Variants in CSMD1 observed in about 807,000 individuals in gnomAD.
CSMD1 encodes the protein CUB and sushi domain-containing protein 1.
CSMD1 carries 213 observed loss-of-function variants against 417.5 expected under a neutral mutation model. The ratio of observed to expected loss-of-function variants is 0.51; its 90% CI spans 0.46 to 0.57. The LOEUF is 0.57. Ranked by LOEUF, CSMD1 falls within the 20% of genes least tolerant of loss-of-function variation. CSMD1 has a pLI of 0.00. For synonymous variants in CSMD1, 2,862 were observed against 1,736.8 expected, an observed-to-expected ratio of 1.65 and a Z score of -16.11; for missense variants, 6,923 against 4,529.7, an observed-to-expected ratio of 1.53 and a Z score of -15.17.
At chr8:3,198,185 T>G (rs921211152) in intron 33 of CSMD1, among the ~76,000 whole-genome samples, 3 of 152,198 alleles carry the variant, frequency 2.0e-5, no homozygotes, top group Admixed American at 2.0e-4. Flanking sequence ...GACACCAGGA[T>G]ATTTGCATGC....
chr8:3,451,277 C>G (rs1224391079), intron 12 of CSMD1, among the ~76,000 whole-genome samples: 1 of 152,152 alleles, frequency 6.6e-6, no homozygotes, highest in South Asian at 2.1e-4. Flanking sequence ...CCTGTTCACT[C>G]TGATGGTAGT....
chr8:3,434,238 G>A (rs988129368), intron 12 of CSMD1, among the ~76,000 whole-genome samples: 1 of 152,104 alleles, frequency 6.6e-6, no homozygotes, highest in Non-Finnish European at 1.5e-5. Flanking sequence ...CCTCTGTAAG[G>A]TACGACTAAA....
chr8:4,348,585 G>A, intron 3 of CSMD1, among the ~76,000 whole-genome samples: 1 of 144,068 alleles, frequency 6.9e-6, no homozygotes, highest in Non-Finnish European at 1.5e-5. Flanking sequence ...GTGTGTGTAT[G>A]CATGTGTGTG....
At chr8:4,725,146 T>A (rs1809343558) in intron 1 of CSMD1, among the ~76,000 whole-genome samples, 1 of 152,174 alleles carries the variant, frequency 6.6e-6, no homozygotes, top group Non-Finnish European at 1.5e-5. Flanking sequence ...TATAAAAGTG[T>A]ACCTTTTATA....
intron 1 of CSMD1, among the ~76,000 whole-genome samples, chr8:4,902,049 T>C (rs915648901): frequency 1.3e-5 from 2 of 152,192 alleles, no homozygotes; most frequent in Non-Finnish European, 2.9e-5. Context: ...GCTTTGGCTA[T>C]ATGGACTTAC....
intron 2 of CSMD1, among the ~76,000 whole-genome samples, chr8:4,533,763 G>A (rs1218287986): frequency 6.6e-6 from 1 of 151,652 alleles, no homozygotes; most frequent in Admixed American, 6.6e-5. Flanking sequence ...TACAGTGGGA[G>A]TATTTTAATA....
chr8:3,610,652 A>G (rs1404205358), intron 8 of CSMD1, among the ~76,000 whole-genome samples: 1 of 152,114 alleles, frequency 6.6e-6, no homozygotes, highest in African/African-American at 2.4e-5. Context: ...ATTCAACTCA[A>G]TTTTTCTTGT....
At chr8:4,775,576 AT>A (rs1310240569) in intron 1 of CSMD1, among the ~76,000 whole-genome samples, 1 of 152,232 alleles carries the variant, frequency 6.6e-6, no homozygotes, top group African/African-American at 2.4e-5. Context: ...GAAAGACAGA[AT>A]AAAAAAGATA....
At chr8:4,765,343 T>C (rs1209467979) in intron 1 of CSMD1, among the ~76,000 whole-genome samples, 2 of 152,198 alleles carry the variant, frequency 1.3e-5, no homozygotes, top group South Asian at 2.1e-4. Flanking sequence ...TTTCACTTCA[T>C]TGTTCTCCAC....
intron 3 of CSMD1, among the ~76,000 whole-genome samples, chr8:4,302,341 T>C (rs971640712): frequency 6.6e-6 from 1 of 152,180 alleles, no homozygotes; most frequent in Non-Finnish European, 1.5e-5. Context: ...ATAACAATAA[T>C]AGTGATTCAT....
At chr8:3,500,725 G>A (rs1383359487) in intron 10 of CSMD1, among the ~76,000 whole-genome samples, 2 of 152,272 alleles carry the variant, frequency 1.3e-5, no homozygotes, top group African/African-American at 4.8e-5. Flanking sequence ...AAGATGAGAC[G>A]TGTGGGCTTG....
At position 3,795,461 on chromosome 8, in the gene CSMD1, A is replaced by G. The variant is rs866490652; in HGVS notation, c.819-41419T>C. 1.2e-4 allele frequency among the ~76,000 whole-genome samples: 2 copies of G among 16,716 alleles called. 1 individual carries two copies. Among genetic ancestry groups the G allele is most frequent in the Non-Finnish European group, 2.2e-4 (2 of 9,240 alleles). 11.0% of individuals were successfully genotyped at this position (16,716 alleles called of 152,430 possible). A position where few individuals can be genotyped will look rare whatever the true frequency, so the allele number is the denominator to read the frequency against. Reference sequence around the variant, plus strand: ...ATATATATCTATCATAGATATAGATATATATCTATCATAGATATAGATATA... The same window carrying G: ...ATATATATCTATCATAGATATAGATGTATATCTATCATAGATATAGATATA... On this transcript the variant is annotated intron_variant, in intron 5 of 69. Transcript: ENST00000635120.
intron 1 of CSMD1, among the ~76,000 whole-genome samples, chr8:4,851,256 G>C (rs1334830975): frequency 6.6e-6 from 1 of 151,892 alleles, no homozygotes; most frequent in Non-Finnish European, 1.5e-5. Flanking sequence ...CTTCATCCAT[G>C]TCCCTACAAA....
At chr8:4,172,205 A>T (rs1210325487) in intron 3 of CSMD1, among the ~76,000 whole-genome samples, 1 of 152,154 alleles carries the variant, frequency 6.6e-6, no homozygotes, top group Non-Finnish European at 1.5e-5. Context: ...CGCCATCTAA[A>T]ATAAAACACT....
chr8:3,738,789 A>G (rs371831635), intron 6 of CSMD1, among the ~76,000 whole-genome samples: 1 of 152,228 alleles, frequency 6.6e-6, no homozygotes, highest in Non-Finnish European at 1.5e-5. Context: ...AACTGGGTGC[A>G]CTATACAGAT....
intron 42 of CSMD1, chr8:3,113,364 A>G (rs1816652119): frequency 6.6e-6 from 1 of 152,262 alleles, no homozygotes; most frequent in South Asian, 2.1e-4. Context: ...GCTCATGAAT[A>G]CCCGGATGTT....
chr8:3,537,757 A>G (rs1798264833), intron 10 of CSMD1, among the ~76,000 whole-genome samples: 1 of 152,224 alleles, frequency 6.6e-6, no homozygotes, highest in African/African-American at 2.4e-5. Flanking sequence ...TTTATTTAGG[A>G]CAGTAAAACA....
At chr8:4,746,476 G>A (rs558743529) in intron 1 of CSMD1, among the ~76,000 whole-genome samples, 48 of 152,330 alleles carry the variant, frequency 3.2e-4, no homozygotes, top group African/African-American at 1.1e-3. Flanking sequence ...CCTCAAGAAT[G>A]AGTGATTCGT....
chr8:4,642,192 G>C (rs1479469313), intron 1 of CSMD1, among the ~76,000 whole-genome samples: 3 of 152,188 alleles, frequency 2.0e-5, no homozygotes, highest in Admixed American at 6.5e-5. Flanking sequence ...GCCCCGGTGA[G>C]CCATGGAGTT....
Sources: gnomAD v4.1 joint callset for allele counts (sites outside exome capture counted in the v4.1 genomes callset) on GRCh38, gnomAD v4.1.1 for gene constraint, MANE v1.5 for transcripts, NCBI Gene and HGNC (gene_info 2026-07-23, HGNC 2026-07-21) for gene names.